KLHL29: variants seen among roughly 807,000 people sequenced by gnomAD.
The protein encoded by KLHL29 is kelch-like protein 29.
A neutral mutation model predicts 80.4 loss-of-function variants in KLHL29; 21 were observed. The ratio of observed to expected loss-of-function variants is 0.26; its 90% CI spans 0.19 to 0.38. The LOEUF (loss-of-function observed/expected upper bound fraction) is 0.38, where lower values mean the gene tolerates loss of function less well. Among genes scored for constraint, KLHL29 ranks in the 10% least tolerant of loss-of-function variants. KLHL29 has a pLI of 1.00. For missense variants in KLHL29, 867 were observed against 1,223.9 expected, an observed-to-expected ratio of 0.71 and a Z score of 4.35; for synonymous variants, 511 against 526.8, an observed-to-expected ratio of 0.97 and a Z score of 0.41.
chr2:23,436,496 C>T (rs1387040256), intron 1 of KLHL29, among the ~76,000 whole-genome samples: 1 of 152,122 alleles, frequency 6.6e-6, no homozygotes, highest in East Asian at 1.9e-4. Context: ...GAATGACTCT[C>T]CTCATTGTCT....
At chr2:23,626,101 TG>T (rs34951001) in intron 3 of KLHL29, among the ~76,000 whole-genome samples, 1 of 151,658 alleles carries the variant, frequency 6.6e-6, no homozygotes, top group Non-Finnish European at 1.5e-5. Context: ...TAGGAGGAGT[TG>T]GGGGGGCAGT....
chr2:23,485,588 A>G (rs1239361117), intron 2 of KLHL29, among the ~76,000 whole-genome samples: 2 of 152,224 alleles, frequency 1.3e-5, no homozygotes, highest in Admixed American at 6.5e-5. Flanking sequence ...CCAGGCTCTC[A>G]GTATGCTCAA....
chr2:23,679,721 A>C (rs1178355689), intron 5 of KLHL29, among the ~76,000 whole-genome samples: 1 of 152,180 alleles, frequency 6.6e-6, no homozygotes, highest in Non-Finnish European at 1.5e-5. Flanking sequence ...TACAACTCCT[A>C]GTATCGATAA....
intron 3 of KLHL29, among the ~76,000 whole-genome samples, chr2:23,594,179 G>A (rs548233422): frequency 3.3e-5 from 5 of 152,314 alleles, no homozygotes; most frequent in East Asian, 1.9e-4. Context: ...TGCCTGGCGC[G>A]TTGCCTTGTT....
At chr2:23,605,071 G>T (rs1235357772) in intron 3 of KLHL29, among the ~76,000 whole-genome samples, 1 of 151,844 alleles carries the variant, frequency 6.6e-6, no homozygotes, top group Non-Finnish European at 1.5e-5. Context: ...TCAGCCACTG[G>T]GAGGGCAGCG....
rs189392107 is a variant in KLHL29, at chr2:23,610,727, C to G, written c.286-28412C>G. On this transcript the variant is annotated intron_variant, in intron 3 of 13. Transcript: ENST00000486442. ...GAAATGCTATGCAGAAAGCCTGGGT[C>G]CTAACTGTGTCTCAATTCACTACAG... Among the ~76,000 whole-genome samples the G allele has an allele frequency of 2.0e-5, 3 of 152,342 alleles. No individual in the cohort carries two copies. The East Asian group carries it at 5.8e-4, about 29-fold the overall frequency.
intron 3 of KLHL29, among the ~76,000 whole-genome samples, chr2:23,624,548 C>T (rs560084377): frequency 3.6e-4 from 55 of 152,278 alleles, no homozygotes; most frequent in South Asian, 2.1e-4. Context: ...CAATTCAGAC[C>T]ACCCGCCACC....
chr2:23,442,507 G>A (rs184544950), intron 1 of KLHL29, among the ~76,000 whole-genome samples: 66 of 152,260 alleles, frequency 4.3e-4, no homozygotes, highest in Admixed American at 8.5e-4. Flanking sequence ...ATGGAGGAAG[G>A]GGCCACAAGC....
chr2:23,674,239 G>A (rs940338654), intron 5 of KLHL29, among the ~76,000 whole-genome samples: 2 of 148,558 alleles, frequency 1.3e-5, no homozygotes, highest in African/African-American at 2.5e-5. Flanking sequence ...CCCAACACCC[G>A]CCCCTCCCCC....
At chr2:23,589,845 G>T (rs1303296437) in intron 3 of KLHL29, among the ~76,000 whole-genome samples, 3 of 152,240 alleles carry the variant, frequency 2.0e-5, no homozygotes, top group Non-Finnish European at 4.4e-5. Context: ...TAAAGGGGGT[G>T]CTAGTTCTGT....
rs1245182388 is a variant in KLHL29, at chr2:23,639,126, C to T, written c.286-13C>T. On this transcript the variant is annotated splice_polypyrimidine_tract_variant and intron_variant, in intron 3 of 13. Transcript: ENST00000486442. ...GGCCAGGCTATGCTCACCTCCTCAT[C>T]TGCTTCCCACAGGCTCCCGGCATCT... 6.6e-7 allele frequency: 1 copy of T among 1,524,306 alleles called. No homozygotes were observed. 94.4% of individuals were successfully genotyped at this position (1,524,306 alleles called of 1,614,324 possible). A position where few individuals can be genotyped will look rare whatever the true frequency, so the allele number is the denominator to read the frequency against.
chr2:23,558,666 A>G (rs889639152), intron 2 of KLHL29, among the ~76,000 whole-genome samples: 2 of 152,170 alleles, frequency 1.3e-5, no homozygotes, highest in South Asian at 2.1e-4. Flanking sequence ...GGCCTCCCAA[A>G]GTTCTGGGAT....
At position 23,654,695 on chromosome 2, in the gene KLHL29, T is replaced by TGGGGGGGGGG. The variant is rs769363801; in HGVS notation, c.940+11845_940+11846insGGGGGGGGGG. On this transcript the variant is annotated intron_variant, in intron 5 of 13. Transcript: ENST00000486442. ...CTTCTCTTCCAGAAGGGAACAGAGGTTGGGGGGGGGGGGTGGATGTTTTGT... is the reference window on the plus strand; with the variant it reads ...CTTCTCTTCCAGAAGGGAACAGAGGTGGGGGGGGGGTGGGGGGGGGGGGTGGATGTTTTGT... Among the ~76,000 whole-genome samples, 6 of 34,252 alleles carry TGGGGGGGGGG rather than the reference T, an allele frequency of 1.8e-4. 1 individual carries two copies. The highest frequency in any genetic ancestry group is 0.019 in the Middle Eastern group (1 of 52). The allele number at this position is 34,252 out of a possible 152,430, so 22.5% of individuals were successfully genotyped here.
rs1463087251 is a variant in KLHL29, at chr2:23,695,397, C to G, written c.1543-226C>G. On this transcript the variant is annotated intron_variant, in intron 8 of 13. Coordinates refer to ENST00000486442, the MANE Select transcript of KLHL29 (RefSeq NM_052920.2). This position sits in a 1 kb window ranked among gnomAD's most constrained non-coding sequence, Gnocchi z 7.6. ...CCCACTCCTGCAGGGCTGGCTGCAG[C>G]CTGCCAGCCTCCCCTCCGCACCCCT... 1.3e-5 allele frequency among the ~76,000 whole-genome samples: 2 copies of G among 152,098 alleles called. No individual in the cohort carries two copies. Among genetic ancestry groups the G allele is most frequent in the Non-Finnish European group, 2.9e-5 (2 of 67,996 alleles).
intron 5 of KLHL29, among the ~76,000 whole-genome samples, chr2:23,664,616 A>G (rs1286079532): frequency 6.6e-6 from 1 of 152,196 alleles, no homozygotes; most frequent in Non-Finnish European, 1.5e-5. Context: ...CATCAGTTTG[A>G]TGAGTCCAGT....
intron 1 of KLHL29, among the ~76,000 whole-genome samples, chr2:23,388,983 C>CT (rs1466842716): frequency 8.1e-6 from 1 of 123,470 alleles, no homozygotes; most frequent in Non-Finnish European, 1.6e-5. Context: ...TTCTTTCTTT[C>CT]TTCTTCTTTT....
At chr2:23,406,647 T>C (rs988893789) in intron 1 of KLHL29, among the ~76,000 whole-genome samples, 1 of 152,172 alleles carries the variant, frequency 6.6e-6, no homozygotes, top group African/African-American at 2.4e-5. Flanking sequence ...GGTTCACAAT[T>C]TCGGTATCAC....
At chr2:23,513,190 A>T (rs6719599) in intron 2 of KLHL29, among the ~76,000 whole-genome samples, 32,565 of 152,240 alleles carry the variant, frequency 0.21, 4,217 homozygotes, top group East Asian at 0.57. Context: ...GGGAGGGTGG[A>T]AAAAGGGTCA....
chr2:23,692,681 AGGCCCTGGGAGGGACAGTATT>A (rs1671696217), intron 7 of KLHL29, among the ~76,000 whole-genome samples: 1 of 151,498 alleles, frequency 6.6e-6, no homozygotes, highest in South Asian at 2.1e-4. Flanking sequence ...AAAGAGTGCA[AGGCCCTGGGAGGGACAGTATT>A]GGGTAAACAG....
Sources: gnomAD v4.1 joint callset for allele counts (sites outside exome capture counted in the v4.1 genomes callset) on GRCh38, gnomAD v4.1.1 for gene constraint, Gnocchi (gnomAD v3.1) non-coding constraint, MANE v1.5 for transcripts, NCBI Gene and HGNC (gene_info 2026-07-23, HGNC 2026-07-21) for gene names.